Variants in MAP2 observed in about 807,000 individuals in gnomAD.
The protein encoded by MAP2 is microtubule-associated protein 2.
A neutral mutation model predicts 137.6 loss-of-function variants in MAP2; 14 were observed. The observed-to-expected ratio is 0.10, with a 90% CI of 0.07 to 0.16. MAP2 has a LOEUF of 0.16. Among genes scored for constraint, MAP2 ranks in the 10% least tolerant of loss-of-function variants. MAP2 has a pLI of 1.00. For missense variants in MAP2, 2,088 were observed against 2,191.5 expected (o/e 0.95, Z 0.94); for synonymous variants, 786 against 782.3 (o/e 1.00, Z -0.08).
At chr2:209,548,487 C>A (rs1183303965) in intron 2 of MAP2, among the ~76,000 whole-genome samples, 9 of 152,168 alleles carry the variant, frequency 5.9e-5, no homozygotes, top group Admixed American at 5.9e-4. Flanking sequence ...CCACACATAA[C>A]CTTGTGAATC....
intron 7 of MAP2, among the ~76,000 whole-genome samples, chr2:209,691,398 C>T (rs2058858340): frequency 6.6e-6 from 1 of 152,140 alleles, no homozygotes; most frequent in African/African-American, 2.4e-5. Flanking sequence ...TGGCAGCCAG[C>T]CCTTCTGATC....
chr2:209,569,853 G>A (rs746854687), intron 2 of MAP2, among the ~76,000 whole-genome samples: 5 of 151,732 alleles, frequency 3.3e-5, no homozygotes, highest in Non-Finnish European at 5.9e-5. Flanking sequence ...ATTATCATCT[G>A]TACTTCTAAG....
At chr2:209,510,649 G>A (rs933689911) in intron 2 of MAP2, among the ~76,000 whole-genome samples, 18 of 152,002 alleles carry the variant, frequency 1.2e-4, no homozygotes, top group Admixed American at 4.6e-4. Context: ...ATAAGCAAAT[G>A]ATGGATTCTC....
chr2:209,509,747 A>G (rs942629368), intron 2 of MAP2, among the ~76,000 whole-genome samples: 1 of 151,952 alleles, frequency 6.6e-6, no homozygotes, highest in Non-Finnish European at 1.5e-5. Flanking sequence ...TAAAACTGTT[A>G]GCTGAGCAAA....
chr2:209,486,440 T>C (rs959732753), intron 1 of MAP2, among the ~76,000 whole-genome samples: 4 of 152,160 alleles, frequency 2.6e-5, no homozygotes, highest in African/African-American at 7.2e-5. Context: ...GCCAGGATTG[T>C]CTTGATCTCC....
Position 209,435,408 on chromosome 2 carries a change from T to C in MAP2, c.-222+11132T>C, listed in dbSNP as rs576769123. ...TTGGAAAAGCACCTAGATAGGACAA[T>C]AGCAATATCAAAGGCACTGAGGACA... is the stretch of plus-strand genomic sequence containing the variant. On this transcript the variant is annotated intron_variant, in intron 1 of 15. Transcript: ENST00000682079. Among the ~76,000 whole-genome samples, 340 of 151,636 alleles carry C rather than the reference T, an allele frequency of 2.2e-3. 2 individuals are homozygous for C. Among genetic ancestry groups the C allele is most frequent in the Non-Finnish European group, 3.8e-3 (259 of 67,776 alleles).
chr2:209,693,965 A>G lies in MAP2; in HGVS notation c.1795A>G (p.Arg599Gly). Residue 599 changes from arginine (R) to glycine (G), a missense_variant, in exon 8 of 16, where the codon AGA becomes GGA. Arg to Gly is a moderately radical substitution (Grantham distance 125). This residue lies in a region of MAP2 where 859 missense variants were observed against 794.5 expected (regional missense o/e 1.08). Coordinates refer to ENST00000682079, the MANE Select transcript of MAP2 (RefSeq NM_001375505.1). ...GSDYYELSDT[R>G]ESVHESIDTM... is the part of the protein sequence containing the mutation. ...TGATTACTATGAACTGAGTGACACT[A>G]GAGAAAGTGTCCATGAGTCTATTGA... 6.2e-7 allele frequency: 1 copy of G among 1,613,878 alleles called. No individual in the cohort carries two copies. The highest frequency in any genetic ancestry group is 8.5e-7 in the Non-Finnish European group (1 of 1,179,852).
intron 2 of MAP2, among the ~76,000 whole-genome samples, chr2:209,524,295 G>A (rs115153817): frequency 1.7e-3 from 256 of 151,942 alleles, no homozygotes; most frequent in African/African-American, 5.9e-3. Flanking sequence ...TTTTCAACAG[G>A]CAGAAGTAGT....
intron 4 of MAP2, among the ~76,000 whole-genome samples, chr2:209,644,299 C>G (rs954240296): frequency 1.3e-5 from 2 of 152,060 alleles, no homozygotes; most frequent in Admixed American, 1.3e-4. Flanking sequence ...CCTCTATCAC[C>G]CCATTTATAC....
intron 1 of MAP2, among the ~76,000 whole-genome samples, chr2:209,463,471 C>G (rs1703366453): frequency 6.6e-6 from 1 of 152,088 alleles, no homozygotes; most frequent in Non-Finnish European, 1.5e-5. Flanking sequence ...TTTGGCCTCT[C>G]TCTGGGGAGG....
intron 4 of MAP2, among the ~76,000 whole-genome samples, chr2:209,627,375 A>G (rs1379274644): frequency 6.6e-6 from 1 of 152,176 alleles, no homozygotes; most frequent in African/African-American, 2.4e-5. Context: ...TGAGAGAAGT[A>G]AATTATTTCG....
At position 209,645,692 on chromosome 2, in the gene MAP2, A is replaced by G. The variant is rs989747930; in HGVS notation, c.-29-7450A>G. Among the ~76,000 whole-genome samples the G allele has an allele frequency of 6.6e-5, 10 of 152,208 alleles. 1 individual carries two copies. The highest frequency in any genetic ancestry group is 2.6e-4 in the Admixed American group (4 of 15,276). On this transcript the variant is annotated intron_variant, in intron 4 of 15. Transcript: ENST00000682079. ...TGCTCAAACTAAAATGTTAAAAGGT[A>G]ATATGTACAGTTATGTATTTATGAT...
In MAP2 at chr2:209,696,419, AC is replaced by A. The variant is rs2060202976; in HGVS notation, c.4180+70del. On this transcript the variant is annotated intron_variant, in intron 8 of 15. Transcript: ENST00000682079. ...CTTATGGGAATTTTTTTTCACTTAA[AC>A]ATTTTAAAATACCTCTTTATCTCTT... 3 of 1,491,032 alleles carry A rather than the reference AC, an allele frequency of 2.0e-6. No individual in the cohort carries two copies. In the South Asian group the frequency reaches 4.2e-5, roughly 21 times the overall value. 92.4% of individuals were successfully genotyped at this position (1,491,032 alleles called of 1,614,324 possible). A position where few individuals can be genotyped will look rare whatever the true frequency, so the allele number is the denominator to read the frequency against.
intron 3 of MAP2, among the ~76,000 whole-genome samples, chr2:209,616,095 G>A (rs913291342): frequency 6.6e-6 from 1 of 152,148 alleles, no homozygotes; most frequent in Non-Finnish European, 1.5e-5. Context: ...TCAATGTCCT[G>A]CTGTGTATCC....
chr2:209,564,261 C>T (rs1469703003), intron 2 of MAP2, among the ~76,000 whole-genome samples: 1 of 152,150 alleles, frequency 6.6e-6, no homozygotes, highest in Admixed American at 6.5e-5. Flanking sequence ...GTTCTCAGTG[C>T]AAATTCATAT....
chr2:209,707,712 T>A (rs1014206893), intron 12 of MAP2, among the ~76,000 whole-genome samples: 1 of 152,150 alleles, frequency 6.6e-6, no homozygotes, highest in Non-Finnish European at 1.5e-5. Flanking sequence ...AAGAACATAT[T>A]TATTACAATA....
intron 4 of MAP2, among the ~76,000 whole-genome samples, chr2:209,631,005 CAAAAAA>C (rs776266690): frequency 2.2e-3 from 92 of 42,094 alleles, no homozygotes; most frequent in African/African-American, 5.1e-3. Flanking sequence ...GAGCTACAAG[CAAAAAA>C]AAAAAAAAAA....
chr2:209,611,388 T>C (rs1357186803), intron 3 of MAP2, among the ~76,000 whole-genome samples: 1 of 152,060 alleles, frequency 6.6e-6, no homozygotes, highest in East Asian at 1.9e-4. Flanking sequence ...ATAACAACAT[T>C]CTTTCTCTGT....
At chr2:209,649,949 G>A (rs2094671384) in intron 4 of MAP2, among the ~76,000 whole-genome samples, 1 of 152,052 alleles carries the variant, frequency 6.6e-6, no homozygotes, top group Non-Finnish European at 1.5e-5. Context: ...TAAATACTAA[G>A]GAATTCATTT....
Sources: gnomAD v4.1 joint callset for allele counts (sites outside exome capture counted in the v4.1 genomes callset) on GRCh38, gnomAD v4.1.1 for gene constraint, gnomAD v4.1.1 regional missense constraint, MANE v1.5 for transcripts, NCBI Gene and HGNC (gene_info 2026-07-23, HGNC 2026-07-21) for gene names.